Variants in TENM2 observed in about 807,000 individuals in gnomAD.
The protein encoded by TENM2 is teneurin transmembrane protein 2.
A neutral mutation model predicts 245.2 loss-of-function variants in TENM2; 52 were observed. That is an observed-to-expected ratio of 0.21 (90% CI 0.17 to 0.27). The LOEUF (loss-of-function observed/expected upper bound fraction) is 0.27, where lower values mean the gene tolerates loss of function less well. Among genes scored for constraint, TENM2 ranks in the 10% least tolerant of loss-of-function variants. TENM2 has a pLI of 1.00. For synonymous variants in TENM2, 1,363 were observed against 1,438.9 expected, an observed-to-expected ratio of 0.95 and a Z score of 1.19; for missense variants, 3,046 against 3,666.8, an observed-to-expected ratio of 0.83 and a Z score of 4.37.
At chr5:167,604,463 CTTTAT>C (rs1212499266) in intron 2 of TENM2, among the ~76,000 whole-genome samples, 1 of 152,104 alleles carries the variant, frequency 6.6e-6, no homozygotes, top group African/African-American at 2.4e-5. Context: ...CATCATGAGG[CTTTAT>C]TTTAAGTAGC....
chr5:167,191,011 T>C, the TENM2 span, among the ~76,000 whole-genome samples: 1 of 152,120 alleles, frequency 6.6e-6, no homozygotes, highest in Non-Finnish European at 1.5e-5. Flanking sequence ...TTTGTTTTCA[T>C]TTATTTTGTG....
intron 2 of TENM2, among the ~76,000 whole-genome samples, chr5:167,443,448 G>C (rs1298973186): frequency 6.6e-6 from 1 of 152,178 alleles, no homozygotes; most frequent in Non-Finnish European, 1.5e-5. Context: ...GCTAAACTTA[G>C]AATTTTTACT....
At chr5:167,014,878 A>G in the TENM2 span, among the ~76,000 whole-genome samples, 1 of 152,318 alleles carries the variant, frequency 6.6e-6, no homozygotes, top group Non-Finnish European at 1.5e-5. Context: ...GAATTCAGAA[A>G]GCTTCTGCTG....
chr5:168,125,083 A>T (rs1488732879), intron 11 of TENM2, 33 bp downstream of exon 13: 3 of 1,559,956 alleles, frequency 1.9e-6, no homozygotes, highest in Non-Finnish European at 2.6e-6. Flanking sequence ...TCCTCTCTCC[A>T]ACACTCCTGC....
intron 2 of TENM2, among the ~76,000 whole-genome samples, chr5:167,440,265 TA>T (rs1324569895): frequency 6.6e-6 from 1 of 152,226 alleles, no homozygotes; most frequent in Non-Finnish European, 1.5e-5. Context: ...AGAATTTCCA[TA>T]ATACAATGAG....
intron 2 of TENM2, among the ~76,000 whole-genome samples, chr5:167,749,740 A>G (rs528290082): frequency 2.0e-5 from 3 of 152,264 alleles, no homozygotes; most frequent in South Asian, 4.1e-4. Flanking sequence ...TGAGATCAGC[A>G]TGAGAAGAAG....
intron 2 of TENM2, among the ~76,000 whole-genome samples, chr5:167,685,032 C>T (rs142774536): frequency 1.3e-5 from 2 of 152,274 alleles, no homozygotes; most frequent in East Asian, 3.9e-4. Flanking sequence ...CCTAGGGTCA[C>T]ATTTTAGAAA....
At chr5:168,104,709 G>A (rs1034658227) in intron 9 of TENM2, among the ~76,000 whole-genome samples, 1 of 152,042 alleles carries the variant, frequency 6.6e-6, no homozygotes, top group African/African-American at 2.4e-5. Context: ...GTGAATGGAG[G>A]AATCAGTCAG....
intron 2 of TENM2, among the ~76,000 whole-genome samples, chr5:167,810,657 G>T (rs1156695983): frequency 6.6e-6 from 1 of 152,042 alleles, no homozygotes; most frequent in Non-Finnish European, 1.5e-5. Flanking sequence ...AATCAGGAAG[G>T]GCTGACTTGT....
At chr5:167,045,813 G>A in the TENM2 span, among the ~76,000 whole-genome samples, 1 of 152,140 alleles carries the variant, frequency 6.6e-6, no homozygotes, top group East Asian at 1.9e-4. Context: ...GCAAACCAAC[G>A]GGTTATTCAC....
chr5:167,387,248 G>GTTT (rs1761490922), intron 2 of TENM2, among the ~76,000 whole-genome samples: 1 of 130,934 alleles, frequency 7.6e-6, no homozygotes, highest in Non-Finnish European at 1.6e-5. Context: ...AATCCTAAGT[G>GTTT]TTTTGTTGTT....
At chr5:167,654,260 T>C (rs1301730767) in intron 2 of TENM2, among the ~76,000 whole-genome samples, 1 of 152,126 alleles carries the variant, frequency 6.6e-6, no homozygotes, top group Non-Finnish European at 1.5e-5. Context: ...CAGATTTGAA[T>C]GGACAAAAAT....
At chr5:167,930,889 A>G (rs927630229) in intron 3 of TENM2, among the ~76,000 whole-genome samples, 9 of 152,198 alleles carry the variant, frequency 5.9e-5, no homozygotes, top group Admixed American at 2.0e-4. Flanking sequence ...AAAATGCCCA[A>G]TTTCAAACAC....
chr5:167,699,441 T>C (rs1419697725), intron 2 of TENM2, among the ~76,000 whole-genome samples: 1 of 152,200 alleles, frequency 6.6e-6, no homozygotes, highest in Non-Finnish European at 1.5e-5. Context: ...TTTTACCTTA[T>C]TTTTAAGTCA....
intron 2 of TENM2, among the ~76,000 whole-genome samples, chr5:167,759,098 T>TACTA (rs917144495): frequency 1.1e-4 from 17 of 148,972 alleles, no homozygotes; most frequent in African/African-American, 4.2e-4. Flanking sequence ...TTCTGACACA[T>TACTA]ACTAGATTAC....
intron 2 of TENM2, among the ~76,000 whole-genome samples, chr5:167,776,150 G>GA (rs145171683): frequency 0.98 from 138,451 of 141,464 alleles, 67,816 homozygotes; most frequent in South Asian, 1. Context: ...CCTGTGAAAG[G>GA]AAAAAAAAAT....
intron 25 of TENM2, among the ~76,000 whole-genome samples, chr5:168,231,564 AC>A (rs1764907442): frequency 6.6e-6 from 1 of 152,170 alleles, no homozygotes. Context: ...CCCTACCTGG[AC>A]TTCATTAGCA....
chr5:167,936,390 T>G (rs1778716761), intron 3 of TENM2, among the ~76,000 whole-genome samples: 2 of 152,240 alleles, frequency 1.3e-5, no homozygotes, highest in South Asian at 4.1e-4. Flanking sequence ...ATTAACGATA[T>G]GCCAATAGGA....
intron 2 of TENM2, among the ~76,000 whole-genome samples, chr5:167,748,488 C>G (rs757882523): frequency 6.6e-6 from 1 of 152,138 alleles, no homozygotes; most frequent in Non-Finnish European, 1.5e-5. Flanking sequence ...AAGGAATCCT[C>G]TCACCTCAGC....
Sources: allele counts gnomAD v4.1 joint callset (sites outside exome capture counted in the v4.1 genomes callset), GRCh38; gene constraint gnomAD v4.1.1; transcripts MANE v1.5; gene names NCBI Gene and HGNC (gene_info 2026-07-23, HGNC 2026-07-21).